Variants in ITFG1 observed in about 807,000 individuals in gnomAD.
The protein encoded by ITFG1 is integrin alpha FG-GAP repeat containing 1, also known as T-cell immunomodulatory protein.
A neutral mutation model predicts 81.8 loss-of-function variants in ITFG1; 34 were observed. That is an observed-to-expected ratio of 0.42 (90% CI 0.32 to 0.55). The LOEUF (loss-of-function observed/expected upper bound fraction) is 0.55, where lower values mean the gene tolerates loss of function less well. Ranked by LOEUF, ITFG1 falls within the 20% of genes least tolerant of loss-of-function variation. The pLI, the probability that ITFG1 is intolerant of heterozygous loss-of-function variation, is 0.17. For missense variants in ITFG1, 672 were observed against 755.4 expected (o/e 0.89, Z 1.29); for synonymous variants, 285 against 270.6 (o/e 1.05, Z -0.52).
intron 5 of ITFG1, among the ~76,000 whole-genome samples, chr16:47,429,363 C>G (rs776627895): frequency 1.3e-5 from 2 of 152,220 alleles, no homozygotes; most frequent in African/African-American, 2.4e-5. Context: ...ATCTGAAGAT[C>G]TGGCTTGTTT....
At chr16:47,421,426 T>G (rs899233848) in intron 6 of ITFG1, among the ~76,000 whole-genome samples, 1 of 152,056 alleles carries the variant, frequency 6.6e-6, no homozygotes, top group African/African-American at 2.4e-5. Flanking sequence ...TGCCTCAGGC[T>G]CCTGAGTAGC....
intron 13 of ITFG1, among the ~76,000 whole-genome samples, chr16:47,235,374 T>C (rs1406930438): frequency 6.6e-6 from 1 of 152,086 alleles, no homozygotes; most frequent in Non-Finnish European, 1.5e-5. Flanking sequence ...GTGGAACAGG[T>C]ATAATTAGAG....
intron 2 of ITFG1, among the ~76,000 whole-genome samples, chr16:47,457,953 A>C (rs1045442263): frequency 2.6e-5 from 4 of 152,198 alleles, no homozygotes; most frequent in African/African-American, 9.7e-5. Flanking sequence ...GTTCTAGTTC[A>C]AGGCCATTTT....
At chr16:47,178,457 C>G (rs1056356986) in intron 14 of ITFG1, among the ~76,000 whole-genome samples, 14 of 152,174 alleles carry the variant, frequency 9.2e-5, no homozygotes, top group African/African-American at 3.1e-4. Context: ...ACAAACCTGA[C>G]AAAAACAAGA....
chr16:47,251,714 T>G (rs767968336), intron 12 of ITFG1, among the ~76,000 whole-genome samples: 2 of 152,178 alleles, frequency 1.3e-5, no homozygotes, highest in Non-Finnish European at 2.9e-5. Context: ...AATATGCTGT[T>G]TTTTCCTATA....
At chr16:47,219,310 A>G (rs1965663050) in intron 13 of ITFG1, among the ~76,000 whole-genome samples, 1 of 152,180 alleles carries the variant, frequency 6.6e-6, no homozygotes, top group Non-Finnish European at 1.5e-5. Context: ...TCCCACTAAA[A>G]TATCAACATA....
rs544127423 is a variant in ITFG1 at position 47,248,056 on chromosome 16, G to A, written c.1331-10048C>T. 1.4e-4 allele frequency among the ~76,000 whole-genome samples: 21 copies of A among 148,652 alleles called. No individual in the cohort carries two copies. The South Asian group carries it at 2.5e-3, about 18-fold the overall frequency. On this transcript the variant is annotated intron_variant, in intron 12 of 17. Transcript: ENST00000320640. ...TATGTAACATTACATACATACTCAC[G>A]TATTTTCATCTAAAACTTAATATAG...
intron 13 of ITFG1, among the ~76,000 whole-genome samples, chr16:47,236,492 A>C (rs1429914563): frequency 6.6e-6 from 1 of 151,558 alleles, no homozygotes; most frequent in Non-Finnish European, 1.5e-5. Context: ...AAAAAAAAAA[A>C]AAAAAGTGTC....
At chr16:47,409,390 ATATATATATATATATTTTTTTTTT>A (rs1481288519) in intron 6 of ITFG1, among the ~76,000 whole-genome samples, 1 of 15,002 alleles carries the variant, frequency 6.7e-5, no homozygotes, top group Non-Finnish European at 1.2e-4. Flanking sequence ...ATATATATAT[ATATATATATATATATTTTTTTTTT>A]TTTTTTTTTT....
chr16:47,456,802 G>T (rs1481157067), intron 2 of ITFG1, among the ~76,000 whole-genome samples: 1 of 151,982 alleles, frequency 6.6e-6, no homozygotes, highest in South Asian at 2.1e-4. Flanking sequence ...TGAAGTAAAT[G>T]AGGAAATTTC....
At chr16:47,454,271 T>A in intron 2 of ITFG1, 113 bp from the exon 3 acceptor site, 1 of 847,238 alleles carries the variant, frequency 1.2e-6, no homozygotes, top group Non-Finnish European at 1.9e-6. Flanking sequence ...TTAACAGAAC[T>A]GACTGATTGC....
chr16:47,322,436 C>T (rs1458685652), intron 8 of ITFG1, among the ~76,000 whole-genome samples: 1 of 152,182 alleles, frequency 6.6e-6, no homozygotes, highest in Non-Finnish European at 1.5e-5. Flanking sequence ...AACCTGTAAT[C>T]CCAGCCCTTT....
intron 6 of ITFG1, among the ~76,000 whole-genome samples, chr16:47,410,289 C>T (rs1275439242): frequency 6.6e-6 from 1 of 151,770 alleles, no homozygotes. Context: ...AAAAGAAAAC[C>T]CTCTAATAGA....
intron 14 of ITFG1, among the ~76,000 whole-genome samples, chr16:47,182,495 C>A (rs1271098940): frequency 6.6e-6 from 1 of 152,142 alleles, no homozygotes; most frequent in Non-Finnish European, 1.5e-5. Context: ...CCTTGACCCC[C>A]TTGAGCCTTA....
intron 8 of ITFG1, among the ~76,000 whole-genome samples, chr16:47,323,400 T>G (rs1398858148): frequency 2.0e-5 from 3 of 152,126 alleles, no homozygotes; most frequent in African/African-American, 7.2e-5. Flanking sequence ...CTCAGCCCCC[T>G]AGTAATTTGA....
chr16:47,261,158 A>G (rs539713788), intron 10 of ITFG1, among the ~76,000 whole-genome samples: 1 of 152,236 alleles, frequency 6.6e-6, no homozygotes, highest in African/African-American at 2.4e-5. Context: ...CATCTCTCAG[A>G]TAACAGAAGC....
intron 6 of ITFG1, among the ~76,000 whole-genome samples, chr16:47,388,523 T>C (rs754309564): frequency 1.3e-5 from 2 of 151,838 alleles, no homozygotes; most frequent in African/African-American, 2.4e-5. Context: ...TCAGAAACAA[T>C]GAAGACCAGA....
chr16:47,264,545 TACACAC>T (rs60424367), intron 10 of ITFG1, among the ~76,000 whole-genome samples: 15,518 of 136,016 alleles, frequency 0.11, 892 homozygotes, highest in Middle Eastern at 0.15. Context: ...TGTTCTCTAT[TACACAC>T]ACACACACAC....
chr16:47,223,362 C>T (rs2151528806), intron 13 of ITFG1, among the ~76,000 whole-genome samples: 1 of 152,322 alleles, frequency 6.6e-6, no homozygotes, highest in East Asian at 1.9e-4. Context: ...TATCCAGAAT[C>T]TACAATGAAC....
Sources: allele counts gnomAD v4.1 joint callset (sites outside exome capture counted in the v4.1 genomes callset), GRCh38; gene constraint gnomAD v4.1.1; transcripts MANE v1.5; gene names NCBI Gene and HGNC (gene_info 2026-07-23, HGNC 2026-07-21).